The following TMEM132D variants were observed in gnomAD, a reference collection of about 807,000 sequenced individuals.
TMEM132D encodes transmembrane protein 132D, also known as mature OL transmembrane protein.
TMEM132D carries 21 observed loss-of-function variants against 62.3 expected under a neutral mutation model. The ratio of observed to expected loss-of-function variants is 0.34; its 90% CI spans 0.24 to 0.49. TMEM132D has a LOEUF of 0.49. Ranked by LOEUF, TMEM132D falls within the 20% of genes least tolerant of loss-of-function variation. The probability of loss-of-function intolerance (pLI) is 0.99; values close to 1 mark genes in which losing one functional copy is unlikely to be tolerated. For synonymous variants in TMEM132D, 621 were observed against 575.6 expected, an observed-to-expected ratio of 1.08 and a Z score of -1.13; for missense variants, 1,346 against 1,402.8, an observed-to-expected ratio of 0.96 and a Z score of 0.65.
At chr12:129,592,851 T>C (rs975745053) in intron 2 of TMEM132D, among the ~76,000 whole-genome samples, 1 of 136,052 alleles carries the variant, frequency 7.4e-6, no homozygotes, top group Admixed American at 7.1e-5. Flanking sequence ...CGAAGCAGGA[T>C]TTCTGGAAGA....
At chr12:129,812,927 CAGTG>C (rs1474879279) in intron 1 of TMEM132D, among the ~76,000 whole-genome samples, 3 of 151,804 alleles carry the variant, frequency 2.0e-5, no homozygotes, top group African/African-American at 7.3e-5. Context: ...TTTGTAAATT[CAGTG>C]CCTAGTAGAC....
chr12:129,763,324 T>C (rs1019948308), intron 1 of TMEM132D, among the ~76,000 whole-genome samples: 2 of 152,132 alleles, frequency 1.3e-5, no homozygotes. Flanking sequence ...GCTATCTTCC[T>C]GCCTCGGTCT....
chr12:129,412,321 C>T (rs769457748), intron 3 of TMEM132D, among the ~76,000 whole-genome samples: 1 of 152,270 alleles, frequency 6.6e-6, no homozygotes, highest in East Asian at 1.9e-4. Flanking sequence ...TATGCAAAAT[C>T]CATTTTCTTA....
Position 129,485,437 on chromosome 12 carries a change from G to A in TMEM132D, c.1115+45622C>T, listed in dbSNP as rs573052326. 3.2e-4 allele frequency among the ~76,000 whole-genome samples: 49 copies of A among 152,322 alleles called. 1 individual carries two copies. The highest frequency in any genetic ancestry group is 6.5e-4 in the Non-Finnish European group (44 of 68,026). On this transcript the variant is annotated intron_variant, in intron 3 of 8. Coordinates refer to ENST00000422113, the MANE Select transcript of TMEM132D (RefSeq NM_133448.3). ...TTGGAGTCTGAGGTCCACATTCAGG[G>A]CTACAGTGAGTGCTGGGAGGCTACG...
intron 3 of TMEM132D, among the ~76,000 whole-genome samples, chr12:129,515,007 GC>G (rs1348944818): frequency 6.6e-6 from 1 of 152,184 alleles, no homozygotes; most frequent in African/African-American, 2.4e-5. Context: ...AAGCCTGCTA[GC>G]ATAAACTGCT....
Position 129,903,200 on chromosome 12 carries a change from T to G in TMEM132D, c.79+61A>C. ...CCGGCCGCCCCCATCCTCCACACAC[T>G]CCCACACACTCACTCCAGGCGAAGT... is the stretch of plus-strand genomic sequence containing the variant. On this transcript the variant is annotated intron_variant, in intron 1 of 8. Transcript: ENST00000422113. The surrounding 1 kb of genome is among the most constrained non-coding windows in gnomAD (Gnocchi z 6.2). The G allele has an allele frequency of 6.6e-7, 1 of 1,522,908 alleles. No homozygotes were observed. 94.3% of individuals were successfully genotyped at this position (1,522,908 alleles called of 1,614,324 possible).
intron 1 of TMEM132D, among the ~76,000 whole-genome samples, chr12:129,864,744 T>C (rs1323509079): frequency 6.6e-6 from 1 of 152,204 alleles, no homozygotes; most frequent in Non-Finnish European, 1.5e-5. Flanking sequence ...GCCACCTGCA[T>C]TGTTACCTGA....
intron 3 of TMEM132D, among the ~76,000 whole-genome samples, chr12:129,443,840 T>A (rs1189499604): frequency 6.6e-6 from 1 of 152,190 alleles, no homozygotes; most frequent in Non-Finnish European, 1.5e-5. Flanking sequence ...TCGATAATGA[T>A]TGTTTTTTGG....
intron 1 of TMEM132D, among the ~76,000 whole-genome samples, chr12:129,709,600 C>T (rs1881591969): frequency 6.6e-6 from 1 of 152,218 alleles, no homozygotes; most frequent in African/African-American, 2.4e-5. Context: ...CGGAGTGTGC[C>T]TCCTTCCTCC....
At position 129,846,340 on chromosome 12, in the gene TMEM132D, C is replaced by G. The variant is rs147196779; in HGVS notation, c.79+56921G>C. Among the ~76,000 whole-genome samples, 74 of 152,234 alleles carry G rather than the reference C, an allele frequency of 4.9e-4. 1 individual carries two copies. In the East Asian group the frequency reaches 9.5e-3, roughly 19 times the overall value. ...CTCTTTCACTGAAGGCTGACTAAGT[C>G]AAAGTCTTTCTGGTTGGTTTTTCAA... On this transcript the variant is annotated intron_variant, in intron 1 of 8. Coordinates refer to ENST00000422113, the MANE Select transcript of TMEM132D (RefSeq NM_133448.3).
intron 5 of TMEM132D, among the ~76,000 whole-genome samples, chr12:129,091,902 T>C (rs1168417972): frequency 6.6e-6 from 1 of 152,242 alleles, no homozygotes; most frequent in African/African-American, 2.4e-5. Context: ...GCTCTGTTCA[T>C]TGCATTAGAT....
chr12:129,189,746 G>T (rs1405774077), intron 5 of TMEM132D, among the ~76,000 whole-genome samples: 1 of 152,148 alleles, frequency 6.6e-6, no homozygotes, highest in South Asian at 2.1e-4. Context: ...AGTCTGGTCT[G>T]CTGGGATATT....
intron 1 of TMEM132D, among the ~76,000 whole-genome samples, chr12:129,729,798 A>G (rs1869161958): frequency 6.6e-6 from 1 of 152,236 alleles, no homozygotes; most frequent in Admixed American, 6.5e-5. Flanking sequence ...TATTTTAAGT[A>G]GTTTTAATCG....
At chr12:129,564,674 G>T (rs1379523400) in intron 2 of TMEM132D, among the ~76,000 whole-genome samples, 1 of 152,184 alleles carries the variant, frequency 6.6e-6, no homozygotes, top group Non-Finnish European at 1.5e-5. Flanking sequence ...TTAAGTCAGG[G>T]ATTCTCAATG....
At chr12:129,255,933 A>AT (rs1848868237) in intron 4 of TMEM132D, among the ~76,000 whole-genome samples, 3 of 152,196 alleles carry the variant, frequency 2.0e-5, no homozygotes, top group African/African-American at 7.2e-5. Flanking sequence ...AGTGGCTTAG[A>AT]TCAGTCCAGG....
intron 5 of TMEM132D, among the ~76,000 whole-genome samples, chr12:129,152,302 C>G (rs894914465): frequency 6.6e-6 from 1 of 152,234 alleles, no homozygotes; most frequent in African/African-American, 2.4e-5. Context: ...TTCTCCACAT[C>G]TCTGCTAACC....
At chr12:129,148,081 T>C (rs1876965160) in intron 5 of TMEM132D, among the ~76,000 whole-genome samples, 1 of 152,182 alleles carries the variant, frequency 6.6e-6, no homozygotes. Context: ...ATAATAGTAA[T>C]GGGCTGTTTT....
At chr12:129,880,626 C>A (rs983630415) in intron 1 of TMEM132D, among the ~76,000 whole-genome samples, 10 of 152,144 alleles carry the variant, frequency 6.6e-5, no homozygotes, top group African/African-American at 1.7e-4. Context: ...CAGGTGATTA[C>A]ACCACACGCG....
At position 129,356,181 on chromosome 12, in the gene TMEM132D, G is replaced by C. The variant is rs1387016000; in HGVS notation, c.1116-18364C>G. ...TTTTTTTTTTTTTTTTTTTGAGACG[G>C]AGTCTCGCTCTGTCGCCCAGGCTGG... On this transcript the variant is annotated intron_variant, in intron 3 of 8. Transcript: ENST00000422113. Among the ~76,000 whole-genome samples the C allele has an allele frequency of 4.5e-4, 7 of 15,544 alleles. 3 individuals carry two copies. The highest frequency in any genetic ancestry group is 8.4e-4 in the Non-Finnish European group (7 of 8,300). 10.2% of individuals were successfully genotyped at this position (15,544 alleles called of 152,430 possible).
Sources: gnomAD v4.1 joint callset for allele counts (sites outside exome capture counted in the v4.1 genomes callset) on GRCh38, gnomAD v4.1.1 for gene constraint, Gnocchi (gnomAD v3.1) non-coding constraint, MANE v1.5 for transcripts, NCBI Gene and HGNC (gene_info 2026-07-23, HGNC 2026-07-21) for gene names.